The following FHIT variants were observed in gnomAD, a reference collection of about 807,000 sequenced individuals.
FHIT encodes fragile histidine triad diadenosine triphosphatase.
In FHIT, 19 loss-of-function variants were observed where a neutral mutation model predicts 17.9. The observed-to-expected ratio is 1.06, with a 90% CI of 0.74 to 1.56. FHIT has a LOEUF of 1.56. FHIT is among the 40% of genes most tolerant of loss of function. The pLI is 0.00. For missense variants in FHIT, 248 were observed against 189.2 expected, an observed-to-expected ratio of 1.31 and a Z score of -1.82; for synonymous variants, 81 against 69.7, an observed-to-expected ratio of 1.16 and a Z score of -0.81.
At chr3:60,449,259 C>T (rs1403089085) in intron 5 of FHIT, among the ~76,000 whole-genome samples, 1 of 152,126 alleles carries the variant, frequency 6.6e-6, no homozygotes. Context: ...GGTCTGTATG[C>T]AACATCTTGT....
At chr3:60,164,340 A>T (rs1246876843) in intron 5 of FHIT, among the ~76,000 whole-genome samples, 1 of 152,200 alleles carries the variant, frequency 6.6e-6, no homozygotes, top group African/African-American at 2.4e-5. Context: ...TAATTAAAAG[A>T]AGAGGCTGTT....
chr3:60,543,836 C>T (rs1024145682), intron 4 of FHIT, among the ~76,000 whole-genome samples: 1 of 149,052 alleles, frequency 6.7e-6, no homozygotes, highest in Non-Finnish European at 1.5e-5. Flanking sequence ...GCTCCGCTTC[C>T]CAGGTTCAAG....
At chr3:60,173,225 AC>A (rs1701496931) in intron 5 of FHIT, among the ~76,000 whole-genome samples, 1 of 152,046 alleles carries the variant, frequency 6.6e-6, no homozygotes, top group Non-Finnish European at 1.5e-5. Flanking sequence ...TGCAGCAGGG[AC>A]CCACCATTCC....
intron 4 of FHIT, among the ~76,000 whole-genome samples, chr3:60,684,989 A>T (rs1288105277): frequency 6.6e-6 from 1 of 152,148 alleles, no homozygotes; most frequent in African/African-American, 2.4e-5. Context: ...TGTCCTCCCT[A>T]CGCCAGAGGG....
At chr3:59,964,818 G>T (rs769084917) in intron 7 of FHIT, among the ~76,000 whole-genome samples, 95 of 152,070 alleles carry the variant, frequency 6.2e-4, no homozygotes, top group Admixed American at 1.4e-3. Flanking sequence ...ATTTTTAAAA[G>T]CCCTATATAT....
intron 8 of FHIT, among the ~76,000 whole-genome samples, chr3:59,883,422 T>C (rs56233685): frequency 0.026 from 4,024 of 152,298 alleles, 53 homozygotes; most frequent in South Asian, 0.064. Flanking sequence ...GCATGTTTTA[T>C]GTGGTGGCAG....
At chr3:60,900,315 C>T (rs1426249398) in intron 3 of FHIT, among the ~76,000 whole-genome samples, 1 of 152,038 alleles carries the variant, frequency 6.6e-6, no homozygotes, top group Non-Finnish European at 1.5e-5. Context: ...GTCCTAGCTA[C>T]ATGGGAGGCT....
chr3:60,749,849 A>G (rs2042431952), intron 4 of FHIT, among the ~76,000 whole-genome samples: 1 of 152,206 alleles, frequency 6.6e-6, no homozygotes, highest in Non-Finnish European at 1.5e-5. Flanking sequence ...AAGGTAAGCA[A>G]CAAATCTTAG....
chr3:60,535,241 A>C (rs2035938893), intron 5 of FHIT, among the ~76,000 whole-genome samples: 1 of 152,168 alleles, frequency 6.6e-6, no homozygotes, highest in Non-Finnish European at 1.5e-5. Context: ...ACAACAACAA[A>C]AAAAAGTGGT....
chr3:60,972,759 CT>C (rs1483332931), intron 3 of FHIT, among the ~76,000 whole-genome samples: 6 of 152,102 alleles, frequency 3.9e-5, no homozygotes, highest in Non-Finnish European at 7.4e-5. Context: ...TTTGCATTCT[CT>C]TTTCCACTCT....
At chr3:60,229,828 T>A (rs577326283) in intron 5 of FHIT, among the ~76,000 whole-genome samples, 1 of 152,222 alleles carries the variant, frequency 6.6e-6, no homozygotes, top group African/African-American at 2.4e-5. Flanking sequence ...AGGACTTTTT[T>A]AAAGTTAGCC....
chr3:60,624,901 T>TG (rs1553680334), intron 4 of FHIT, among the ~76,000 whole-genome samples: 5 of 149,794 alleles, frequency 3.3e-5, no homozygotes, highest in South Asian at 2.1e-4. Context: ...TCTAGTTTTT[T>TG]TTTTTGTTTG....
intron 5 of FHIT, among the ~76,000 whole-genome samples, chr3:60,086,627 G>C (rs1703504831): frequency 6.6e-6 from 1 of 152,198 alleles, no homozygotes; most frequent in African/African-American, 2.4e-5. Context: ...AAAAGAAAGA[G>C]AAAACAGGCC....
At chr3:60,633,043 A>T (rs79318372) in intron 4 of FHIT, among the ~76,000 whole-genome samples, 281 of 152,340 alleles carry the variant, frequency 1.8e-3, no homozygotes, top group African/African-American at 6.5e-3. Context: ...TGCTGTGGAC[A>T]TTTTACTTCT....
At chr3:60,438,538 G>A (rs536152024) in intron 5 of FHIT, among the ~76,000 whole-genome samples, 1 of 152,188 alleles carries the variant, frequency 6.6e-6, no homozygotes, top group East Asian at 1.9e-4. Flanking sequence ...TTCTTTTGCA[G>A]TAAATGACTC....
intron 4 of FHIT, among the ~76,000 whole-genome samples, chr3:60,793,866 T>A (rs969759544): frequency 6.6e-6 from 1 of 152,152 alleles, no homozygotes; most frequent in Non-Finnish European, 1.5e-5. Context: ...GCAGCTCCAA[T>A]TGGTCCTGCA....
intron 5 of FHIT, among the ~76,000 whole-genome samples, chr3:60,049,454 A>C (rs987550696): frequency 2.9e-4 from 37 of 129,754 alleles, no homozygotes; most frequent in African/African-American, 9.3e-4. Context: ...TATCTTGATG[A>C]ATCTTCTTTT....
chr3:60,509,839 G>A (rs1004826006), intron 5 of FHIT, among the ~76,000 whole-genome samples: 1 of 152,168 alleles, frequency 6.6e-6, no homozygotes, highest in African/African-American at 2.4e-5. Flanking sequence ...TAAGGAATAG[G>A]AAGAAAATAT....
intron 5 of FHIT, among the ~76,000 whole-genome samples, chr3:60,503,186 T>A (rs1245547017): frequency 6.6e-6 from 1 of 152,196 alleles, no homozygotes; most frequent in East Asian, 1.9e-4. Flanking sequence ...TAAAATATAG[T>A]AATGCTCAAT....
Sources: gnomAD v4.1 joint callset for allele counts (sites outside exome capture counted in the v4.1 genomes callset) on GRCh38, gnomAD v4.1.1 for gene constraint, MANE v1.5 for transcripts, NCBI Gene and HGNC (gene_info 2026-07-23, HGNC 2026-07-21) for gene names.